The following ZNF483 variants were observed in gnomAD, a reference collection of about 807,000 sequenced individuals.
ZNF483 encodes the protein zinc finger protein 483.
ZNF483 carries 9 observed loss-of-function variants against 28.6 expected under a neutral mutation model. The ratio of observed to expected loss-of-function variants is 0.32; its 90% CI spans 0.19 to 0.55. The LOEUF is 0.55. Among genes scored for constraint, ZNF483 ranks in the 20% least tolerant of loss-of-function variants. The pLI, the probability that ZNF483 is intolerant of heterozygous loss-of-function variation, is 0.93. For synonymous variants in ZNF483, 322 were observed against 306.2 expected, an observed-to-expected ratio of 1.05 and a Z score of -0.54; for missense variants, 675 against 871.7, an observed-to-expected ratio of 0.77 and a Z score of 2.84.
chr9:111,552,890 G>C lies in ZNF483; in HGVS notation c.*9720G>C, dbSNP rs1465936563. Reference sequence around the variant, plus strand: ...TTTCATTGACGTTTTCAGTTTTCATGAATGTCTTTTAAGGTCTTTTCCTCA... The same window carrying C: ...TTTCATTGACGTTTTCAGTTTTCATCAATGTCTTTTAAGGTCTTTTCCTCA... On this transcript the variant is annotated 3_prime_UTR_variant, in exon 6 of 6. Transcript: ENST00000309235. Among the ~76,000 whole-genome samples, 1 of 152,114 alleles carries C rather than the reference G, an allele frequency of 6.6e-6. No individual in the cohort carries two copies. The highest frequency in any genetic ancestry group is 1.5e-5 in the Non-Finnish European group (1 of 68,014).
Position 111,527,738 on chromosome 9 carries a change from C to T in ZNF483, c.343C>T (p.Gln115Ter). Residue 115 changes from glutamine (Q) to a stop codon, truncating the protein, a stop_gained, in exon 2 of 6, where the codon CAA (glutamine) becomes TAA (stop). Transcript: ENST00000309235. LOFTEE classifies it high-confidence loss of function. ...GGAGATCAGGATTTGGGTAAAGTCA[C>T]AACATCCTGAGAGTAGTGAGGAAGT... Reference protein sequence around the residue: ...PGEIRIWVKSQHPESSEEVVT... With the variant: ...PGEIRIWVKS The T allele has an allele frequency of 6.2e-7, 1 of 1,614,120 alleles. No individual in the cohort carries two copies. Among genetic ancestry groups the T allele is most frequent in the Non-Finnish European group, 8.5e-7 (1 of 1,180,032 alleles).
intron 5 of ZNF483, among the ~76,000 whole-genome samples, chr9:111,539,030 G>A (rs758910298): frequency 4.0e-5 from 6 of 150,288 alleles, no homozygotes; most frequent in Non-Finnish European, 5.9e-5. Context: ...GGAGAATGGC[G>A]TGAACCCGGG....
intron 2 of ZNF483, among the ~76,000 whole-genome samples, chr9:111,528,809 T>G (rs545599693): frequency 1.3e-5 from 2 of 152,304 alleles, no homozygotes; most frequent in Admixed American, 6.5e-5. Flanking sequence ...AGTGTCATGC[T>G]TCTACAAAAT....
exon 6 of ZNF483, chr9:111,577,376 T>C (rs151176618): frequency 2.6e-4 from 40 of 152,334 alleles, no homozygotes; most frequent in African/African-American, 9.1e-4. Context: ...TGTAAAGTAC[T>C]GTAGCCACTT....
At position 111,552,286 on chromosome 9, in the gene ZNF483, C is replaced by CT. The variant is rs150587835; in HGVS notation, c.*9125dup. ...GAAACAAGATCATTAGATACATTGT[C>CT]TTTTTTTTTCAGAAGTTTCATAAAC... On this transcript the variant is annotated 3_prime_UTR_variant, in exon 6 of 6. Coordinates refer to ENST00000309235, the MANE Select transcript of ZNF483 (RefSeq NM_133464.5). Among the ~76,000 whole-genome samples, 9,145 of 151,108 alleles carry CT rather than the reference C, an allele frequency of 0.061. 492 individuals are homozygous for CT. The highest frequency in any genetic ancestry group is 0.26 in the East Asian group (1,350 of 5,160).
rs928597010 is a variant in ZNF483, at chr9:111,553,099, C to A, written c.*9929C>A. ...GTTCATATGAGTAATTTTGTGTATTCTTTTTTGACTTACACTCACTAAATG... is the reference window on the plus strand; with the variant it reads ...GTTCATATGAGTAATTTTGTGTATTATTTTTTGACTTACACTCACTAAATG... On this transcript the variant is annotated 3_prime_UTR_variant, in exon 6 of 6. Transcript: ENST00000309235. Among the ~76,000 whole-genome samples, 3 of 152,106 alleles carry A rather than the reference C, an allele frequency of 2.0e-5. No homozygotes were observed. The highest frequency in any genetic ancestry group is 7.2e-5 in the African/African-American group (3 of 41,440).
intron 5 of ZNF483, among the ~76,000 whole-genome samples, chr9:111,535,320 G>T (rs972347003): frequency 6.6e-6 from 1 of 152,242 alleles, no homozygotes; most frequent in Admixed American, 6.5e-5. Context: ...TCAAGCACAT[G>T]TATAAGGAGC....
rs1827777721 is a variant in ZNF483 at position 111,545,156 on chromosome 9, C to T, written c.*1986C>T. Among the ~76,000 whole-genome samples, 1 of 152,114 alleles carries T rather than the reference C, an allele frequency of 6.6e-6. No homozygotes were observed. Among genetic ancestry groups the T allele is most frequent in the Non-Finnish European group, 1.5e-5 (1 of 68,026 alleles). Reference sequence around the variant, plus strand: ...GCATAGTTATTGCTAAGCAGACCAACGAATCACATCCTAGCCATGAAAGGA... The same window carrying T: ...GCATAGTTATTGCTAAGCAGACCAATGAATCACATCCTAGCCATGAAAGGA... On this transcript the variant is annotated 3_prime_UTR_variant, in exon 6 of 6. Transcript: ENST00000309235.
intron 2 of ZNF483, among the ~76,000 whole-genome samples, chr9:111,529,443 A>C (rs1827265706): frequency 6.6e-6 from 1 of 152,226 alleles, no homozygotes; most frequent in South Asian, 2.1e-4. Context: ...TACTGCATAC[A>C]TTTAGTTCCT....
downstream of ZNF483, among the ~76,000 whole-genome samples, chr9:111,559,953 C>T (rs1828226604): frequency 6.6e-6 from 1 of 152,164 alleles, no homozygotes; most frequent in South Asian, 2.1e-4. Flanking sequence ...CACTCTTCTC[C>T]CCATTGTTTC....
chr9:111,577,651 C>G (rs1005406171), exon 6 of ZNF483: 1 of 152,150 alleles, frequency 6.6e-6, no homozygotes, highest in Non-Finnish European at 1.5e-5. Flanking sequence ...TCCAGACCAG[C>G]CTGGGCAACA....
chr9:111,576,389 T>C, exon 6 of ZNF483: 1 of 1,614,148 alleles, frequency 6.2e-7, no homozygotes, highest in Non-Finnish European at 8.5e-7. Flanking sequence ...GTAAAAAAGA[T>C]GCAGATGTTC....
chr9:111,571,643 AATTT>A (rs1564613903), intron 5 of ZNF483, among the ~76,000 whole-genome samples: 1 of 147,280 alleles, frequency 6.8e-6, no homozygotes, highest in East Asian at 1.9e-4. Flanking sequence ...ACACCTGGCT[AATTT>A]TTTTTAGTTT....
intron 5 of ZNF483, chr9:111,570,170 A>G (rs965047608): frequency 1.9e-6 from 3 of 1,614,004 alleles, no homozygotes; most frequent in South Asian, 1.1e-5. Flanking sequence ...AAAAGCTTCC[A>G]TGCGAAGCTC....
intron 5 of ZNF483, among the ~76,000 whole-genome samples, chr9:111,571,509 GCT>G (rs1828818678): frequency 6.7e-6 from 1 of 149,190 alleles, no homozygotes; most frequent in South Asian, 2.2e-4. Context: ...ACAGGGTCTG[GCT>G]CTGTTTCCCC....
exon 6 of ZNF483, chr9:111,576,449 C>A: frequency 6.2e-7 from 1 of 1,613,666 alleles, no homozygotes; most frequent in Non-Finnish European, 8.5e-7. Context: ...AACTGTTACA[C>A]AGAGATGACC....
downstream of ZNF483, among the ~76,000 whole-genome samples, chr9:111,559,114 C>T (rs1342439015): frequency 6.6e-6 from 1 of 152,118 alleles, no homozygotes; most frequent in African/African-American, 2.4e-5. Context: ...AGGCTCTGAC[C>T]TCCCTGCCAA....
intron 5 of ZNF483, among the ~76,000 whole-genome samples, chr9:111,540,838 G>A (rs1827653320): frequency 6.6e-6 from 1 of 152,104 alleles, no homozygotes; most frequent in Admixed American, 6.5e-5. Flanking sequence ...TGGCTCTATC[G>A]CGTATTATAC....
chr9:111,530,826 T>C (rs760093708), intron 2 of ZNF483, 49 bp from the exon 3 acceptor site: 2 of 367,072 alleles, frequency 5.4e-6, no homozygotes, highest in Admixed American at 3.5e-5. Context: ...AGATTTTTAG[T>C]CTGAGGAATC....
Sources: allele counts gnomAD v4.1 joint callset (sites outside exome capture counted in the v4.1 genomes callset), GRCh38; gene constraint gnomAD v4.1.1; transcripts MANE v1.5; gene names NCBI Gene and HGNC (gene_info 2026-07-23, HGNC 2026-07-21).